MED9: variants seen among roughly 807,000 people sequenced by gnomAD.
MED9 encodes the protein mediator complex subunit 9, also known as mediator of RNA polymerase II transcription subunit 9.
MED9 carries 8 observed loss-of-function variants against 13.2 expected under a neutral mutation model. That is an observed-to-expected ratio of 0.61 (90% confidence interval 0.36 to 1.10). The LOEUF (loss-of-function observed/expected upper bound fraction) is 1.10, where lower values mean the gene tolerates loss of function less well. MED9 is among the 50% of genes least tolerant of loss of function. The probability of loss-of-function intolerance (pLI) is 0.02; values close to 1 mark genes in which losing one functional copy is unlikely to be tolerated. For missense variants in MED9, 180 were observed against 193.4 expected (o/e 0.93, Z 0.41); for synonymous variants, 87 against 82.8 (o/e 1.05, Z -0.28).
chr17:17,481,355 T>G (rs1351198780), intron 1 of MED9, among the ~76,000 whole-genome samples: 1 of 152,248 alleles, frequency 6.6e-6, no homozygotes, highest in Non-Finnish European at 1.5e-5. Flanking sequence ...GAATTTAGCC[T>G]TTCTTGTTCT....
intron 1 of MED9, among the ~76,000 whole-genome samples, chr17:17,481,065 A>G (rs148059571): frequency 9.1e-4 from 138 of 152,330 alleles, no homozygotes; most frequent in African/African-American, 3.0e-3. Flanking sequence ...TGTTGAGCAT[A>G]CATCCAAGGC....
intron 1 of MED9, among the ~76,000 whole-genome samples, chr17:17,484,119 A>T (rs1905080123): frequency 6.6e-6 from 1 of 152,208 alleles, no homozygotes; most frequent in Admixed American, 6.5e-5. Flanking sequence ...TTTTCCTTCA[A>T]ACTTAACAAA....
intron 1 of MED9, among the ~76,000 whole-genome samples, chr17:17,477,917 GCC>G (rs1904955269): frequency 6.6e-6 from 1 of 152,234 alleles, no homozygotes; most frequent in South Asian, 2.1e-4. Context: ...CTTCAGGGTA[GCC>G]TGAGTTTTCA....
At chr17:17,488,582 C>G (rs759797938) in intron 1 of MED9, among the ~76,000 whole-genome samples, 67 of 152,268 alleles carry the variant, frequency 4.4e-4, no homozygotes, top group Non-Finnish European at 7.1e-4. Flanking sequence ...GCCTGTAATC[C>G]CAGCACTTTG....
At position 17,485,279 on chromosome 17, in the gene MED9, A is replaced by T. The variant is rs560212148; in HGVS notation, c.225-6000A>T. 2,290 of 375,688 alleles carry T rather than the reference A, an allele frequency of 6.1e-3. 6 individuals carry two copies. The highest frequency in any genetic ancestry group is 0.013 in the Middle Eastern group (19 of 1,494). 23.3% of individuals were successfully genotyped at this position (375,688 alleles called of 1,614,324 possible). On this transcript the variant is annotated intron_variant, in intron 1 of 1. Transcript: ENST00000268711. ...CGCCTTTGTAAAAATACAAAAAAAA[A>T]TTTTTTTTTTGTATTTTTAGTAGAG... is the stretch of plus-strand genomic sequence containing the variant.
At chr17:17,477,299 C>T (rs1377629449) in intron 1 of MED9, 34 bp downstream of exon 1, 22 of 1,530,926 alleles carry the variant, frequency 1.4e-5, no homozygotes, top group Non-Finnish European at 1.8e-5. Context: ...GCCCCATACT[C>T]CCTCCAGCTT....
intron 1 of MED9, among the ~76,000 whole-genome samples, chr17:17,489,320 A>G (rs949503233): frequency 6.6e-6 from 1 of 152,194 alleles, no homozygotes; most frequent in Admixed American, 6.5e-5. Flanking sequence ...GGGTTTTCAG[A>G]GATGAGCATC....
At chr17:17,481,225 C>T (rs545608753) in intron 1 of MED9, among the ~76,000 whole-genome samples, 1 of 152,282 alleles carries the variant, frequency 6.6e-6, no homozygotes, top group South Asian at 2.1e-4. Context: ...ATGTCCGGTC[C>T]ACCCAGGTGG....
chr17:17,484,276 T>C (rs572331538), intron 1 of MED9, among the ~76,000 whole-genome samples: 125 of 152,346 alleles, frequency 8.2e-4, no homozygotes, highest in Non-Finnish European at 1.4e-3. Flanking sequence ...TTCAATGTTT[T>C]AATTCTTTAC....
chr17:17,481,279 A>G (rs958233111), intron 1 of MED9, among the ~76,000 whole-genome samples: 11 of 152,204 alleles, frequency 7.2e-5, no homozygotes, highest in Non-Finnish European at 4.4e-5. Context: ...AACTTCCCCA[A>G]TGATCCTTTT....
rs977915597 is a variant in MED9, at chr17:17,477,028, C to T, written c.-14C>T. On this transcript the variant is annotated 5_prime_UTR_variant, in exon 1 of 2. Transcript: ENST00000268711. The stretch of plus-strand genomic sequence containing the variant: ...TTTGGCGACCCGACCTCTGGCTAAC[C>T]TACCCCCGGAGCCATGGCCTCTGCT... 13 of 1,604,280 alleles carry T rather than the reference C, an allele frequency of 8.1e-6. No homozygotes were observed. In the East Asian group the frequency reaches 2.7e-4, roughly 33 times the overall value.
rs370153261 is a variant in MED9 at position 17,492,317 on chromosome 17, A to C, written c.*822A>C. Reference sequence around the variant, plus strand: ...TCCACACAGGCCAGAAGAGGTCTTCAGGCGAACCGACCTTCCCCCTTCTGG... The same window carrying C: ...TCCACACAGGCCAGAAGAGGTCTTCCGGCGAACCGACCTTCCCCCTTCTGG... On this transcript the variant is annotated 3_prime_UTR_variant, in exon 2 of 2. Transcript: ENST00000268711. 5.9e-5 allele frequency: 9 copies of C among 152,314 alleles called. No individual in the cohort carries two copies. Among genetic ancestry groups the C allele is most frequent in the African/African-American group, 2.2e-4 (9 of 41,468 alleles). 9.4% of individuals were successfully genotyped at this position (152,314 alleles called of 1,614,324 possible).
intron 1 of MED9, among the ~76,000 whole-genome samples, chr17:17,482,624 T>C (rs538527880): frequency 2.0e-4 from 31 of 152,336 alleles, no homozygotes; most frequent in African/African-American, 6.5e-4. Context: ...TATAATTTCA[T>C]GTAGTCAGAT....
At chr17:17,490,010 A>T (rs1905201997) in intron 1 of MED9, among the ~76,000 whole-genome samples, 2 of 152,260 alleles carry the variant, frequency 1.3e-5, no homozygotes, top group Admixed American at 1.3e-4. Context: ...TATTTGAAAA[A>T]ATTAATGATC....
rs1226296988 is a variant in MED9 at position 17,483,875 on chromosome 17, T to C, written c.224+6610T>C. On this transcript the variant is annotated intron_variant, in intron 1 of 1. Coordinates refer to ENST00000268711, the MANE Select transcript of MED9 (RefSeq NM_018019.3). The surrounding 1 kb of genome is among the most constrained non-coding windows in gnomAD (Gnocchi z 4.2). ...TCGCTTGAACCCGGGAGGCGGAGGTTGCAGTGAGCCACGATCGCACCATTG... is the reference window on the plus strand; with the variant it reads ...TCGCTTGAACCCGGGAGGCGGAGGTCGCAGTGAGCCACGATCGCACCATTG... Among the ~76,000 whole-genome samples the C allele has an allele frequency of 6.7e-6, 1 of 149,626 alleles. No homozygotes were observed. Among genetic ancestry groups the C allele is most frequent in the Non-Finnish European group, 1.5e-5 (1 of 67,680 alleles).
chr17:17,485,419 C>T, intron 1 of MED9: 1 of 397,628 alleles, frequency 2.5e-6, no homozygotes. Flanking sequence ...CCTGCTCAGA[C>T]TTGGGTTTCT....
chr17:17,483,679 C>T lies in MED9; in HGVS notation c.224+6414C>T, dbSNP rs147869299. On this transcript the variant is annotated intron_variant, in intron 1 of 1. Transcript: ENST00000268711. This position sits in a 1 kb window ranked among gnomAD's most constrained non-coding sequence, Gnocchi z 4.2. ...GGAGGCTGGGCACGGTGGCTCACAC[C>T]TGTAATCCCAGCACTTTGGGAGGCC... Among the ~76,000 whole-genome samples the T allele has an allele frequency of 2.2e-3, 333 of 152,026 alleles. 2 individuals carry two copies. Among genetic ancestry groups the T allele is most frequent in the African/African-American group, 7.7e-3 (321 of 41,456 alleles).
intron 1 of MED9, among the ~76,000 whole-genome samples, chr17:17,488,820 A>G (rs1263112096): frequency 6.6e-6 from 1 of 151,540 alleles, no homozygotes; most frequent in Non-Finnish European, 1.5e-5. Context: ...GCAACGAGTA[A>G]AACTCTGTCT....
chr17:17,482,098 G>A (rs545545798), intron 1 of MED9, among the ~76,000 whole-genome samples: 22 of 152,224 alleles, frequency 1.4e-4, no homozygotes, highest in South Asian at 6.2e-4. Flanking sequence ...CTTTATGAAC[G>A]TGCTGTCGTT....
Sources: gnomAD v4.1 joint callset for allele counts (sites outside exome capture counted in the v4.1 genomes callset) on GRCh38, gnomAD v4.1.1 for gene constraint, Gnocchi (gnomAD v3.1) non-coding constraint, MANE v1.5 for transcripts, NCBI Gene and HGNC (gene_info 2026-07-23, HGNC 2026-07-21) for gene names.